PTPRN2: variants seen among roughly 807,000 people sequenced by gnomAD.
The protein encoded by PTPRN2 is receptor-type tyrosine-protein phosphatase N2.
In PTPRN2, 74 loss-of-function variants were observed where a neutral mutation model predicts 118.8. That is an observed-to-expected ratio of 0.62 (90% CI 0.52 to 0.76). The LOEUF (loss-of-function observed/expected upper bound fraction) is 0.76. PTPRN2 is among the 30% of genes least tolerant of loss of function. The pLI is 0.00. For synonymous variants in PTPRN2, 641 were observed against 608.0 expected (o/e 1.05, Z -0.80); for missense variants, 1,481 against 1,394.4 (o/e 1.06, Z -0.99).
intron 11 of PTPRN2, among the ~76,000 whole-genome samples, chr7:157,912,230 G>A (rs1014609448): frequency 6.6e-6 from 1 of 152,176 alleles, no homozygotes; most frequent in South Asian, 2.1e-4. Context: ...GTAGATTTAC[G>A]TTGTATCTCC....
chr7:158,165,385 G>T (rs73745191), intron 6 of PTPRN2, among the ~76,000 whole-genome samples: 165 of 152,358 alleles, frequency 1.1e-3, no homozygotes, highest in African/African-American at 3.8e-3. Flanking sequence ...CAATGCTCCA[G>T]CAGCACTCAC....
At chr7:157,994,579 C>G (rs1199920227) in intron 11 of PTPRN2, among the ~76,000 whole-genome samples, 2 of 136,560 alleles carry the variant, frequency 1.5e-5, no homozygotes, top group African/African-American at 5.4e-5. Context: ...CTTACAACTC[C>G]TTGTTCCTAA....
chr7:158,110,828 C>T lies in PTPRN2; in HGVS notation c.1643+1G>A. 6.3e-7 allele frequency: 1 copy of T among 1,581,998 alleles called. No individual in the cohort carries two copies. The highest frequency in any genetic ancestry group is 8.6e-7 in the Non-Finnish European group (1 of 1,163,188). The stretch of plus-strand genomic sequence containing the variant: ...CAGAAACCCCAGGGCCCCGTACTTA[C>T]TCCACGTCAGCGAACGCACTGCTGG... On this transcript the variant is annotated splice_donor_variant, in intron 10 of 22. Transcript: ENST00000389418. LOFTEE classifies it high-confidence loss of function.
At chr7:158,203,037 G>T (rs1471544671) in intron 4 of PTPRN2, among the ~76,000 whole-genome samples, 1 of 151,936 alleles carries the variant, frequency 6.6e-6, no homozygotes, top group African/African-American at 2.4e-5. Context: ...TTCAAGACCA[G>T]CCTGGCCAAC....
rs1257300644 is a variant in PTPRN2 at position 157,831,654 on chromosome 7, A to G, written c.1788+67019T>C. Among the ~76,000 whole-genome samples the G allele has an allele frequency of 6.6e-6, 1 of 151,582 alleles. No individual in the cohort carries two copies. Among genetic ancestry groups the G allele is most frequent in the Non-Finnish European group, 1.5e-5 (1 of 67,862 alleles). On this transcript the variant is annotated intron_variant, in intron 12 of 22. Transcript: ENST00000389418. The surrounding 1 kb of genome is among the most constrained non-coding windows in gnomAD (Gnocchi z 4.8). Reference sequence around the variant, plus strand: ...AGGAAGACATCCAACCCTTATTGGGAGTCTACACAGGTGTTCTGCACTGAG... The same window carrying G: ...AGGAAGACATCCAACCCTTATTGGGGGTCTACACAGGTGTTCTGCACTGAG...
At chr7:158,043,498 T>C (rs546905892) in intron 11 of PTPRN2, among the ~76,000 whole-genome samples, 18 of 113,034 alleles carry the variant, frequency 1.6e-4, no homozygotes, top group African/African-American at 6.3e-4. Flanking sequence ...CTTTAAAGGG[T>C]TGGTAAGTTT....
At chr7:157,588,504 T>A (rs926387407) in intron 17 of PTPRN2, among the ~76,000 whole-genome samples, 25 of 152,236 alleles carry the variant, frequency 1.6e-4, no homozygotes, top group African/African-American at 5.8e-4. Context: ...ACAGCTGCCC[T>A]GTGCACCAGG....
chr7:158,277,077 C>T (rs113245563), intron 3 of PTPRN2, among the ~76,000 whole-genome samples: 1,535 of 152,266 alleles, frequency 0.01, 26 homozygotes, highest in African/African-American at 0.035. Flanking sequence ...CATGAACAGC[C>T]CCTTCGTCAG....
At chr7:157,965,229 C>T in intron 11 of PTPRN2, among the ~76,000 whole-genome samples, 1 of 152,196 alleles carries the variant, frequency 6.6e-6, no homozygotes. Context: ...TACCATATTT[C>T]ATCAATTTCA....
intron 3 of PTPRN2, among the ~76,000 whole-genome samples, chr7:158,217,474 C>G (rs1194217248): frequency 2.0e-5 from 3 of 152,198 alleles, no homozygotes; most frequent in Non-Finnish European, 4.4e-5. Context: ...AGGACAGCAA[C>G]TTCAAAAGGA....
chr7:158,366,207 C>G (rs1437694475), intron 2 of PTPRN2, among the ~76,000 whole-genome samples: 1 of 148,290 alleles, frequency 6.7e-6, no homozygotes, highest in African/African-American at 2.5e-5. Flanking sequence ...AATGCACACA[C>G]ACACACAGCA....
At chr7:158,138,539 A>C in intron 6 of PTPRN2, 24 bp from the exon 7 acceptor site, 1 of 1,598,618 alleles carries the variant, frequency 6.3e-7, no homozygotes, top group Non-Finnish European at 8.5e-7. Context: ...CACAAACACA[A>C]GGACGTTGTG....
chr7:157,544,821 A>G (rs905598971), intron 22 of PTPRN2, among the ~76,000 whole-genome samples: 3 of 152,170 alleles, frequency 2.0e-5, no homozygotes, highest in African/African-American at 7.2e-5. Flanking sequence ...GGGTGTGTGC[A>G]CACGGGAATG....
chr7:157,778,871 G>A (rs1482873112), intron 12 of PTPRN2, among the ~76,000 whole-genome samples: 1 of 152,212 alleles, frequency 6.6e-6, no homozygotes, highest in Non-Finnish European at 1.5e-5. Flanking sequence ...GCCCACATAT[G>A]CAACAAGTCA....
intron 2 of PTPRN2, among the ~76,000 whole-genome samples, chr7:158,385,803 G>A (rs1811288842): frequency 1.3e-5 from 2 of 152,060 alleles, no homozygotes; most frequent in South Asian, 2.1e-4. Context: ...TCTCTCCTGT[G>A]GTGAACACCA....
chr7:157,995,245 C>T (rs534809589), intron 11 of PTPRN2, among the ~76,000 whole-genome samples: 24 of 150,440 alleles, frequency 1.6e-4, no homozygotes, highest in South Asian at 8.6e-4. Context: ...CCTAAATCAA[C>T]GCTGCATCCC....
intron 2 of PTPRN2, among the ~76,000 whole-genome samples, chr7:158,327,007 G>A (rs910758352): frequency 1.4e-5 from 2 of 146,810 alleles, no homozygotes; most frequent in Non-Finnish European, 3.0e-5. Flanking sequence ...GCACACACAT[G>A]CATTCTCACA....
chr7:158,331,947 T>A (rs1199427799), intron 2 of PTPRN2, among the ~76,000 whole-genome samples: 9 of 150,550 alleles, frequency 6.0e-5, no homozygotes, highest in Non-Finnish European at 7.4e-5. Context: ...ACACTCACAC[T>A]CCCACGATAA....
chr7:157,738,429 A>G (rs914668831), intron 12 of PTPRN2, among the ~76,000 whole-genome samples: 1 of 152,196 alleles, frequency 6.6e-6, no homozygotes, highest in African/African-American at 2.4e-5. Flanking sequence ...AGCATTTGGC[A>G]TCCTGTGAAG....
Sources: allele counts gnomAD v4.1 joint callset (sites outside exome capture counted in the v4.1 genomes callset), GRCh38; gene constraint gnomAD v4.1.1; non-coding constraint Gnocchi (gnomAD v3.1); transcripts MANE v1.5; gene names NCBI Gene and HGNC (gene_info 2026-07-23, HGNC 2026-07-21).